The following COL21A1 variants were observed in gnomAD, a reference collection of about 807,000 sequenced individuals.
COL21A1 encodes collagen type XXI alpha 1 chain.
In COL21A1, 149 loss-of-function variants were observed where a neutral mutation model predicts 137.9. The ratio of observed to expected loss-of-function variants is 1.08; its 90% CI spans 0.95 to 1.24. COL21A1 has a LOEUF of 1.24. COL21A1 is among the 50% of genes most tolerant of loss of function. The pLI is 0.00. For missense variants in COL21A1, 1,167 were observed against 1,158.4 expected (o/e 1.01, Z -0.11); for synonymous variants, 456 against 391.5 (o/e 1.16, Z -1.95).
rs146291223 is a variant in COL21A1, at chr6:56,191,361, C to T, written c.-38-8705G>A. Among the ~76,000 whole-genome samples, 65 of 150,626 alleles carry T rather than the reference C, an allele frequency of 4.3e-4. No homozygotes were observed. The East Asian group carries it at 0.011, about 26-fold the overall frequency. ...CAGCGCTTTGGGAGGCAGAGGTGGG[C>T]GGATCACGAGGTCAGGAGTTCAAGA... On this transcript the variant is annotated intron_variant, in intron 1 of 29. Coordinates refer to ENST00000244728, the MANE Select transcript of COL21A1 (RefSeq NM_030820.4).
chr6:56,276,862 G>C (rs1763675575), intron 1 of COL21A1: 2 of 590,798 alleles, frequency 3.4e-6, no homozygotes, highest in East Asian at 3.1e-5. Flanking sequence ...AGGCTGGAGT[G>C]CAGTGACGCG....
At chr6:56,236,951 A>C (rs1247917257) in intron 1 of COL21A1, among the ~76,000 whole-genome samples, 1 of 151,950 alleles carries the variant, frequency 6.6e-6, no homozygotes, top group Non-Finnish European at 1.5e-5. Flanking sequence ...GATAGTTTAA[A>C]ATTTCTATAT....
At chr6:56,365,502 T>C (rs72875543) in intron 1 of COL21A1, among the ~76,000 whole-genome samples, 4,632 of 152,312 alleles carry the variant, frequency 0.03, 112 homozygotes, top group Non-Finnish European at 0.048. Flanking sequence ...GAATCTTTTT[T>C]TTCGTGGTTT....
At chr6:56,372,649 G>A (rs2093991532) in intron 1 of COL21A1, among the ~76,000 whole-genome samples, 2 of 152,324 alleles carry the variant, frequency 1.3e-5, no homozygotes, top group Non-Finnish European at 2.9e-5. Context: ...TGTAAGGCTG[G>A]AGTGGGGGGA....
chr6:56,135,762 C>A (rs1472704909), intron 12 of COL21A1, among the ~76,000 whole-genome samples: 1 of 152,200 alleles, frequency 6.6e-6, no homozygotes, highest in Non-Finnish European at 1.5e-5. Context: ...CATCGTATAG[C>A]TATGATTAAC....
At chr6:56,132,998 T>C (rs929014517) in intron 12 of COL21A1, among the ~76,000 whole-genome samples, 2 of 152,192 alleles carry the variant, frequency 1.3e-5, no homozygotes, top group Non-Finnish European at 2.9e-5. Context: ...CAGCTATGTC[T>C]TTATCAGCAG....
chr6:56,095,419 G>T (rs1263012229), intron 17 of COL21A1, among the ~76,000 whole-genome samples: 1 of 152,036 alleles, frequency 6.6e-6, no homozygotes, highest in African/African-American at 2.4e-5. Context: ...TCCCAACTCT[G>T]ACCACTCTCA....
At chr6:56,195,170 AT>A (rs943343260) in intron 1 of COL21A1, among the ~76,000 whole-genome samples, 4 of 152,066 alleles carry the variant, frequency 2.6e-5, no homozygotes, top group African/African-American at 9.7e-5. Flanking sequence ...ATAAGAAATA[AT>A]TTTTTTCTTT....
At chr6:56,288,811 G>A (rs1198595982) in intron 1 of COL21A1, among the ~76,000 whole-genome samples, 1 of 152,196 alleles carries the variant, frequency 6.6e-6, no homozygotes, top group Non-Finnish European at 1.5e-5. Context: ...CAGAGGTAAT[G>A]ATAGCAGTAC....
Position 56,170,697 on chromosome 6 carries a change from G to T in COL21A1, c.978C>A (p.Ser326Arg). ...TAACCACTTGTGAGCCATTAATTAC[G>T]CTGGTTGTTGTAAATAATAAGATTT... ...VDKILLFTTT[S>R]VINGSQVVTF... is the part of the protein sequence containing the mutation. Residue 326 changes from serine to arginine, a missense_variant, in exon 5 of 30, where the codon AGC becomes AGA. By Grantham distance (110) the Ser-to-Arg change is moderately radical. Coordinates refer to ENST00000244728, the MANE Select transcript of COL21A1 (RefSeq NM_030820.4). 1 of 1,604,946 alleles carries T rather than the reference G, an allele frequency of 6.2e-7. No individual in the cohort carries two copies. Among genetic ancestry groups the T allele is most frequent in the Non-Finnish European group, 8.5e-7 (1 of 1,174,554 alleles).
intron 12 of COL21A1, among the ~76,000 whole-genome samples, chr6:56,130,143 T>C (rs909824496): frequency 7.1e-6 from 1 of 139,888 alleles, no homozygotes; most frequent in South Asian, 2.4e-4. Context: ...TCTGCCTCCC[T>C]GAGAGCATTC....
Position 56,325,996 on chromosome 6 carries a change from A to ATTATATATTATATAATATATAT in COL21A1, c.-39+67974_-39+67975insATATATATTATATAATATATAA. ...TATATATTATATAATATATGTATAT[A>ATTATATATTATATAATATATAT]CATACATATATTATGTATATGTATA... On this transcript the variant is annotated intron_variant, in intron 1 of 28. Coordinates refer to the COL21A1 transcript ENST00000370819. Among the ~76,000 whole-genome samples, 2 of 1,320 alleles carry ATTATATATTATATAATATATAT rather than the reference A, an allele frequency of 1.5e-3. 1 individual carries two copies. The highest frequency in any genetic ancestry group is 0.083 in the East Asian group (2 of 24). 0.9% of individuals were successfully genotyped at this position (1,320 alleles called of 152,430 possible). A position where few individuals can be genotyped will look rare whatever the true frequency, so the allele number is the denominator to read the frequency against.
chr6:56,327,909 G>A (rs932149337), intron 1 of COL21A1, among the ~76,000 whole-genome samples: 1 of 152,066 alleles, frequency 6.6e-6, no homozygotes, highest in African/African-American at 2.4e-5. Flanking sequence ...CCCAGCACCT[G>A]CAGCTGAGAA....
intron 1 of COL21A1, among the ~76,000 whole-genome samples, chr6:56,336,677 AAC>A (rs1305021518): frequency 2.6e-5 from 4 of 152,228 alleles, no homozygotes; most frequent in African/African-American, 4.8e-5. Flanking sequence ...TTTATGTGAA[AAC>A]AGTTTTTCTT....
intron 1 of COL21A1, among the ~76,000 whole-genome samples, chr6:56,190,905 C>G (rs1028188042): frequency 4.0e-5 from 6 of 151,330 alleles, no homozygotes; most frequent in African/African-American, 1.5e-4. Flanking sequence ...CATGCTAATA[C>G]CTAGCATGAT....
At chr6:56,131,357 T>C (rs897948457) in intron 12 of COL21A1, among the ~76,000 whole-genome samples, 3 of 151,186 alleles carry the variant, frequency 2.0e-5, no homozygotes, top group African/African-American at 7.3e-5. Flanking sequence ...TTTTAAAAAA[T>C]ATATGCGCTC....
Position 56,060,795 on chromosome 6 carries a change from C to G in COL21A1, c.2353G>C (p.Gly785Arg), listed in dbSNP as rs766784184. 2 of 1,608,798 alleles carry G rather than the reference C, an allele frequency of 1.2e-6. No homozygotes were observed. Among genetic ancestry groups the G allele is most frequent in the Non-Finnish European group, 1.7e-6 (2 of 1,178,518 alleles). ...QGPPGLDGKP[G>R]REFSEQFIRQ... is the part of the protein sequence containing the mutation. ...ATAAATTGTTCTGAAAACTCTCTTC[C>G]CTGCATCAAAGTGTTAGGGGTTATA... is the stretch of plus-strand genomic sequence containing the variant. Residue 785 changes from glycine (G) to arginine (R), a missense_variant and splice_region_variant, in exon 27 of 30, where the codon GGA (glycine) becomes CGA (arginine). Gly to Arg is a moderately radical substitution (Grantham distance 125, BLOSUM62 -2). Coordinates refer to ENST00000244728, the MANE Select transcript of COL21A1 (RefSeq NM_030820.4).
Position 56,335,109 on chromosome 6 carries a change from C to T in COL21A1, c.-39+58862G>A, listed in dbSNP as rs111623141. On this transcript the variant is annotated intron_variant, in intron 1 of 28. Coordinates refer to the COL21A1 transcript ENST00000370819. Reference sequence around the variant, plus strand: ...GATAGACTAATACTAACTGGGCTAACGATAGATGATGCAAAAATGAGTCAA... The same window carrying T: ...GATAGACTAATACTAACTGGGCTAATGATAGATGATGCAAAAATGAGTCAA... Among the ~76,000 whole-genome samples, 454 of 152,082 alleles carry T rather than the reference C, an allele frequency of 3.0e-3. 2 individuals carry two copies. The highest frequency in any genetic ancestry group is 0.011 in the African/African-American group (436 of 41,480).
At chr6:56,139,792 T>A (rs1485414993) in intron 12 of COL21A1, among the ~76,000 whole-genome samples, 4 of 152,094 alleles carry the variant, frequency 2.6e-5, no homozygotes, top group Non-Finnish European at 4.4e-5. Context: ...TTTATTCAGG[T>A]AGGGAAGTCT....
Sources: allele counts gnomAD v4.1 joint callset (sites outside exome capture counted in the v4.1 genomes callset), GRCh38; gene constraint gnomAD v4.1.1; transcripts MANE v1.5; gene names NCBI Gene and HGNC (gene_info 2026-07-23, HGNC 2026-07-21).